GTF2H1: variants seen among roughly 807,000 people sequenced by gnomAD.
GTF2H1 encodes the protein BTF2 p62.
In GTF2H1, 16 loss-of-function variants were observed where a neutral mutation model predicts 71.2. That is an observed-to-expected ratio of 0.22 (90% CI 0.15 to 0.34). The LOEUF (loss-of-function observed/expected upper bound fraction) is 0.34, where lower values mean the gene tolerates loss of function less well. GTF2H1 is among the 10% of genes least tolerant of loss of function. The pLI is 1.00. For synonymous variants in GTF2H1, 215 were observed against 219.0 expected, an observed-to-expected ratio of 0.98 and a Z score of 0.16; for missense variants, 498 against 648.2, an observed-to-expected ratio of 0.77 and a Z score of 2.52.
chr11:18,349,998 T>C (rs1306903809), intron 9 of GTF2H1, among the ~76,000 whole-genome samples: 1 of 152,208 alleles, frequency 6.6e-6, no homozygotes, highest in Admixed American at 6.5e-5. Context: ...ACTCAAAATA[T>C]GGTTTCTCTA....
At chr11:18,333,355 G>A in intron 2 of GTF2H1, 127 bp downstream of exon 2, 2 of 666,862 alleles carry the variant, frequency 3.0e-6, no homozygotes, top group South Asian at 4.4e-5. Flanking sequence ...ACAAAATGGG[G>A]TCACTGAATA....
rs1199517861 is a variant in GTF2H1, at chr11:18,335,781, C to T, written c.182C>T (p.Ala61Val). ...CAGAAAATTAGTCCAGAAGGAAAAGCTAAAATTCAGCTTCAGCTGGTCCTA... is the reference window on the plus strand; with the variant it reads ...CAGAAAATTAGTCCAGAAGGAAAAGTTAAAATTCAGCTTCAGCTGGTCCTA... ...KCQKISPEGK[A>V]KIQLQLVLHA... Residue 61 changes from alanine (A) to valine (V), a missense_variant, in exon 3 of 15, where the codon GCT becomes GTT. By Grantham distance (64) the Ala-to-Val change is moderately conservative. This residue lies in a region of GTF2H1 where 216 missense variants were observed against 306.2 expected (regional missense o/e 0.71). Transcript: ENST00000265963. 1 of 1,613,642 alleles carries T rather than the reference C, an allele frequency of 6.2e-7. No homozygotes were observed. Among genetic ancestry groups the T allele is most frequent in the Non-Finnish European group, 8.5e-7 (1 of 1,179,888 alleles).
intron 11 of GTF2H1, among the ~76,000 whole-genome samples, chr11:18,353,841 A>G (rs1034468955): frequency 3.3e-5 from 5 of 152,242 alleles, no homozygotes; most frequent in Non-Finnish European, 7.3e-5. Flanking sequence ...ATTTCGATGT[A>G]TATTTTCAAA....
At chr11:18,351,651 TAAA>T (rs111249104) in intron 9 of GTF2H1, 8 of 289,450 alleles carry the variant, frequency 2.8e-5, no homozygotes, top group Admixed American at 4.8e-5. Flanking sequence ...TTGGCAAAAG[TAAA>T]AAGTTCAATA....
rs1865552757 is a variant in GTF2H1, at chr11:18,356,565, A to G, written c.1261-1387A>G. On this transcript the variant is annotated intron_variant, in intron 11 of 14. Coordinates refer to ENST00000265963, the MANE Select transcript of GTF2H1 (RefSeq NM_005316.4). ...CTGGCCCTTGGGCCCGAGTAGACCC[A>G]CATAACTTTTGTCTTGGGGGTGGTG... Among the ~76,000 whole-genome samples the G allele has an allele frequency of 2.0e-5, 3 of 151,832 alleles. No homozygotes were observed. In the South Asian group the frequency reaches 6.3e-4, roughly 32 times the overall value.
intron 4 of GTF2H1, among the ~76,000 whole-genome samples, chr11:18,338,744 C>G (rs909541671): frequency 5.3e-5 from 8 of 152,294 alleles, no homozygotes; most frequent in African/African-American, 1.7e-4. Flanking sequence ...CTATCACACT[C>G]AGCCCTCTTC....
intron 7 of GTF2H1, among the ~76,000 whole-genome samples, chr11:18,342,418 C>T (rs1865182467): frequency 6.6e-6 from 1 of 151,942 alleles, no homozygotes; most frequent in Admixed American, 6.6e-5. Flanking sequence ...CGTGCCACCA[C>T]ACCCAGTTAA....
chr11:18,352,797 C>T (rs1415088517), intron 11 of GTF2H1, among the ~76,000 whole-genome samples: 1 of 152,192 alleles, frequency 6.6e-6, no homozygotes, highest in East Asian at 1.9e-4. Flanking sequence ...CATCATTGTT[C>T]TTTGTTTCTC....
rs1263822195 is a variant in GTF2H1 at position 18,365,945 on chromosome 11, C to A, written c.*76C>A. The A allele has an allele frequency of 6.2e-5, 58 of 928,166 alleles. No homozygotes were observed. The highest frequency in any genetic ancestry group is 5.2e-6 in the Non-Finnish European group (3 of 574,730). 57.5% of individuals were successfully genotyped at this position (928,166 alleles called of 1,614,324 possible). ...CAGCAACTCTGGAAACCTGGCCTGA[C>A]AGACAAGCAGATGACCTCACAGGAG... On this transcript the variant is annotated 3_prime_UTR_variant, in exon 15 of 15. Coordinates refer to ENST00000265963, the MANE Select transcript of GTF2H1 (RefSeq NM_005316.4).
chr11:18,338,920 A>G (rs998118317), intron 4 of GTF2H1, among the ~76,000 whole-genome samples: 1 of 152,166 alleles, frequency 6.6e-6, no homozygotes, highest in African/African-American at 2.4e-5. Flanking sequence ...AAATATTTTC[A>G]AATGTAGGGC....
intron 1 of GTF2H1, chr11:18,324,115 A>G (rs1220078922): frequency 1.3e-5 from 2 of 151,462 alleles, no homozygotes; most frequent in African/African-American, 4.9e-5. Flanking sequence ...CAATGGCGCG[A>G]TCTCTGCTCA....
At chr11:18,345,184 C>T (rs1213820572) in intron 7 of GTF2H1, among the ~76,000 whole-genome samples, 5 of 151,532 alleles carry the variant, frequency 3.3e-5, no homozygotes, top group Non-Finnish European at 5.9e-5. Flanking sequence ...GAGCGAGAAC[C>T]TGTCTCAAAA....
intron 1 of GTF2H1, among the ~76,000 whole-genome samples, chr11:18,328,599 C>T (rs1216882967): frequency 2.7e-5 from 4 of 150,876 alleles, no homozygotes; most frequent in African/African-American, 7.3e-5. Context: ...CTGAGGCGGG[C>T]GGATCACTTG....
Position 18,360,660 on chromosome 11 carries a change from C to T in GTF2H1, c.1513C>T (p.Leu505Phe), listed in dbSNP as rs1279432098. ...SNLERFQVTK[L>F]CPFQEKIRRQ... ...TTTGGAACGATTCCAAGTTACGAAG[C>T]TCTGTCCATTCCAAGAAAAGATTCG... is the stretch of plus-strand genomic sequence containing the variant. The change falls in exon 14 of 15, where the codon CTC (leucine) becomes TTC (phenylalanine). Residue 505 changes from leucine (L) to phenylalanine (F), a missense_variant. Coordinates refer to ENST00000265963, the MANE Select transcript of GTF2H1 (RefSeq NM_005316.4). 2 of 1,574,186 alleles carry T rather than the reference C, an allele frequency of 1.3e-6. No homozygotes were observed. Among genetic ancestry groups the T allele is most frequent in the Non-Finnish European group, 1.7e-6 (2 of 1,164,440 alleles).
At chr11:18,326,948 A>G (rs1864781985) in intron 1 of GTF2H1, among the ~76,000 whole-genome samples, 1 of 151,742 alleles carries the variant, frequency 6.6e-6, no homozygotes, top group South Asian at 2.1e-4. Flanking sequence ...ATGTTCTCTA[A>G]CTCCCAACCT....
At chr11:18,354,345 C>T (rs1865494366) in intron 11 of GTF2H1, among the ~76,000 whole-genome samples, 1 of 152,148 alleles carries the variant, frequency 6.6e-6, no homozygotes, top group Non-Finnish European at 1.5e-5. Flanking sequence ...ACTATTTTTC[C>T]CTTTGTAATT....
chr11:18,353,940 A>G (rs1363605357), intron 11 of GTF2H1, among the ~76,000 whole-genome samples: 1 of 152,244 alleles, frequency 6.6e-6, no homozygotes, highest in East Asian at 1.9e-4. Flanking sequence ...ATATCTTACT[A>G]CATTTTCACC....
intron 7 of GTF2H1, among the ~76,000 whole-genome samples, chr11:18,344,172 G>A (rs1010947959): frequency 3.1e-5 from 4 of 127,540 alleles, no homozygotes; most frequent in East Asian, 2.3e-4. Flanking sequence ...AACAAGCCTC[G>A]TACAATACAC....
At chr11:18,334,533 G>C (rs987351355) in intron 2 of GTF2H1, among the ~76,000 whole-genome samples, 1 of 152,142 alleles carries the variant, frequency 6.6e-6, no homozygotes, top group Non-Finnish European at 1.5e-5. Flanking sequence ...TAATACACAC[G>C]CACATTGTGA....
Sources: gnomAD v4.1 joint callset for allele counts (sites outside exome capture counted in the v4.1 genomes callset) on GRCh38, gnomAD v4.1.1 for gene constraint, gnomAD v4.1.1 regional missense constraint, MANE v1.5 for transcripts, NCBI Gene and HGNC (gene_info 2026-07-23, HGNC 2026-07-21) for gene names.